The following SBF1 variants were observed in gnomAD, a reference collection of about 807,000 sequenced individuals.
SBF1 encodes myotubularin-related protein 5.
SBF1 carries 65 observed loss-of-function variants against 215.8 expected under a neutral mutation model. The observed-to-expected ratio is 0.30, with a 90% CI of 0.25 to 0.37. SBF1 has a LOEUF of 0.37. Among genes scored for constraint, SBF1 ranks in the 10% least tolerant of loss-of-function variants. The pLI is 1.00. For missense variants in SBF1, 2,634 were observed against 2,667.8 expected (o/e 0.99, Z 0.28); for synonymous variants, 1,410 against 1,122.8 (o/e 1.26, Z -5.11).
rs750573543 is a variant in SBF1, at chr22:50,456,290, G to A, written c.4192C>T (p.Pro1398Ser). ...CTGGGCTCAGCAGCGGGGCAGCCTG[G>A]GACACATGCTTTCAGCAGCTTCTTG... Reference protein sequence around the residue: ...SFKKLLKACVPGCPAAEPSPA... With the variant: ...SFKKLLKACVSGCPAAEPSPA... The change falls in exon 31 of 41, where the codon CCA becomes TCA. Residue 1398 changes from proline to serine, a missense_variant. By Grantham distance (74) the Pro-to-Ser change is moderately conservative. Coordinates refer to ENST00000380817, the MANE Select transcript of SBF1 (RefSeq NM_002972.4). 4.1e-5 allele frequency: 66 copies of A among 1,612,808 alleles called. No homozygotes were observed. Among genetic ancestry groups the A allele is most frequent in the Non-Finnish European group, 5.3e-5 (63 of 1,179,968 alleles).
intron 10 of SBF1, 54 bp from the exon 11 acceptor site, chr22:50,465,382 G>T: frequency 6.8e-7 from 1 of 1,473,986 alleles, no homozygotes; most frequent in South Asian, 1.2e-5. Flanking sequence ...CCCCACCCCA[G>T]GCTGCCCAGG....
In SBF1 at chr22:50,459,439, G is replaced by A. The variant is rs2281439; in HGVS notation, c.3688+31C>T. 285,449 of 1,611,392 alleles carry A rather than the reference G, an allele frequency of 0.18. 26,585 individuals are homozygous for A. Among genetic ancestry groups the A allele is most frequent in the East Asian group, 0.27 (12,152 of 44,834 alleles). On this transcript the variant is annotated intron_variant, in intron 27 of 40. Coordinates refer to ENST00000380817, the MANE Select transcript of SBF1 (RefSeq NM_002972.4). ...AGGGAGGGGAGGGTGAGATAGGGCA[G>A]GGCAGGCACAGGGCAGGACGCAGGA...
chr22:50,463,544 G>A, intron 15 of SBF1, 112 bp from the exon 16 acceptor site: 8 of 1,207,768 alleles, frequency 6.6e-6, no homozygotes, highest in Non-Finnish European at 7.9e-6. Context: ...CAGGTGGGGT[G>A]TGCCAGACTC....
chr22:50,474,814 C>T lies in SBF1; in HGVS notation c.27G>A (p.Val9=). ...GCGGGTGCGGCCCGAACGCCACCAGCACGAAGTAGTCCGCGAGCCGCGCCA... is the reference window on the plus strand; with the variant it reads ...GCGGGTGCGGCCCGAACGCCACCAGTACGAAGTAGTCCGCGAGCCGCGCCA... The part of the protein sequence containing the change: MARLADYF[V]LVAFGPHPRG... The change falls in exon 1 of 41, where the codon GTG becomes GTA. Residue 9 remains valine, a synonymous_variant. Coordinates refer to ENST00000380817, the MANE Select transcript of SBF1 (RefSeq NM_002972.4). The T allele has an allele frequency of 1.4e-6, 2 of 1,447,524 alleles. No individual in the cohort carries two copies. The highest frequency in any genetic ancestry group is 2.6e-5 in the South Asian group (2 of 76,662). 89.7% of individuals were successfully genotyped at this position (1,447,524 alleles called of 1,614,324 possible). A position where few individuals can be genotyped will look rare whatever the true frequency, so the allele number is the denominator to read the frequency against.
intron 2 of SBF1, 110 bp downstream of exon 2, chr22:50,468,266 C>T: frequency 1.9e-6 from 2 of 1,074,176 alleles, no homozygotes; most frequent in Non-Finnish European, 2.7e-6. Context: ...TGTCCCTAGC[C>T]CAGCGGGGGG....
rs747460539 is a variant in SBF1, at chr22:50,456,199, C to T, written c.4266+17G>A. 9.9e-6 allele frequency: 16 copies of T among 1,609,150 alleles called. No individual in the cohort carries two copies. Among genetic ancestry groups the T allele is most frequent in the Admixed American group, 6.7e-5 (4 of 59,898 alleles). On this transcript the variant is annotated intron_variant, in intron 31 of 40. Transcript: ENST00000380817. ...CCCAGCACCAAGGCGGGCAGAGGGA[C>T]GGGGCAGTGCAGAGACCTGGATCAG...
rs1322850669 is a variant in SBF1 at position 50,453,648 on chromosome 22, G to A, written c.5043+864C>T. Among the ~76,000 whole-genome samples the A allele has an allele frequency of 7.2e-5, 11 of 152,308 alleles. 1 individual carries two copies. Among genetic ancestry groups the A allele is most frequent in the Admixed American group, 3.3e-4 (5 of 15,296 alleles). ...TAAAAATACAAAAAATTAGCTGGGCGTGGTGGTGGGCACCTGTAGTCCCAG... is the reference window on the plus strand; with the variant it reads ...TAAAAATACAAAAAATTAGCTGGGCATGGTGGTGGGCACCTGTAGTCCCAG... On this transcript the variant is annotated intron_variant, in intron 36 of 40. Transcript: ENST00000380817.
At chr22:50,467,492 C>A in intron 4 of SBF1, 40 bp downstream of exon 4, 1 of 1,613,768 alleles carries the variant, frequency 6.2e-7, no homozygotes, top group South Asian at 1.1e-5. Context: ...CCGATGGAAG[C>A]ACCCTCGTCG....
At chr22:50,463,545 T>C in intron 15 of SBF1, 113 bp from the exon 16 acceptor site, 1 of 1,192,664 alleles carries the variant, frequency 8.4e-7, no homozygotes, top group Admixed American at 2.9e-5. Flanking sequence ...AGGTGGGGTG[T>C]GCCAGACTCT....
chr22:50,467,495 C>G, intron 4 of SBF1, 37 bp downstream of exon 4: 1 of 1,613,708 alleles, frequency 6.2e-7, no homozygotes. Flanking sequence ...ATGGAAGCAC[C>G]CTCGTCGTGC....
Position 50,448,564 on chromosome 22 carries a change from G to C in SBF1, c.5130C>G (p.Leu1710=), listed in dbSNP as rs530167049. The stretch of plus-strand genomic sequence containing the variant: ...TCACACGGCCGTCTGGCCGGCCCTC[G>C]AGGCGCTGTGCAGCCTTCACCCGGT... ...TWDRVKAAQR[L]EGRPDGRGTP... The change falls in exon 37 of 41, where the codon CTC becomes CTG. Residue 1710 remains leucine (L), a synonymous_variant. Coordinates refer to ENST00000380817, the MANE Select transcript of SBF1 (RefSeq NM_002972.4). 13 of 1,611,974 alleles carry C rather than the reference G, an allele frequency of 8.1e-6. No homozygotes were observed. In the South Asian group the frequency reaches 1.2e-4, roughly 15 times the overall value.
At position 50,466,663 on chromosome 22, in the gene SBF1, T is replaced by C. The variant is rs373887418; in HGVS notation, c.597A>G (p.Pro199=). 1.7e-4 allele frequency: 257 copies of C among 1,550,018 alleles called. 1 individual carries two copies. The highest frequency in any genetic ancestry group is 1.7e-4 in the Non-Finnish European group (196 of 1,146,552). Residue 199 remains proline, a synonymous_variant, in exon 6 of 41, where the codon CCA becomes CCG. Transcript: ENST00000380817. The part of the protein sequence containing the change: ...GAGDRQVIQT[P]LADSLPVSRC... ...GGCTGACGGGCAGCGAGTCGGCCAG[T>C]GGAGTCTGGATGACCTGCCGGTCAC...
chr22:50,466,391 G>C lies in SBF1; in HGVS notation c.747C>G (p.Ala249=). Residue 249 remains alanine (A), a synonymous_variant, in exon 7 of 41, where the codon GCC becomes GCG. Coordinates refer to ENST00000380817, the MANE Select transcript of SBF1 (RefSeq NM_002972.4). ...LSRSYQRLAD[A]CRGLLALLFP... is the part of the protein sequence containing the mutation. The stretch of plus-strand genomic sequence containing the variant: ...ACAGCAGTGCCAGGAGGCCCCTACA[G>C]GCATCGGCGAGCCGCTGGTAGCTCC... 6.4e-7 allele frequency: 1 copy of C among 1,554,544 alleles called. No homozygotes were observed. Among genetic ancestry groups the C allele is most frequent in the Non-Finnish European group, 8.7e-7 (1 of 1,149,174 alleles).
At position 50,455,501 on chromosome 22, in the gene SBF1, C is replaced by T. The variant is rs369972811; in HGVS notation, c.4348G>A (p.Gly1450Ser). The T allele has an allele frequency of 6.2e-7, 1 of 1,608,234 alleles. No homozygotes were observed. The highest frequency in any genetic ancestry group is 8.5e-7 in the Non-Finnish European group (1 of 1,177,748). ...GSSVLVGLED[G>S]WDITTQVVSL... ...CACACCTGGGTGGTGATGTCCCAGC[C>T]ATCCTCCAGGCCCACCAGCACGGAG... The change falls in exon 32 of 41, where the codon GGC becomes AGC. Residue 1450 changes from glycine (G) to serine (S), a missense_variant. Transcript: ENST00000380817.
intron 2 of SBF1, 37 bp downstream of exon 2, chr22:50,468,339 C>T (rs1204707931): frequency 1.3e-6 from 2 of 1,595,080 alleles, no homozygotes; most frequent in Non-Finnish European, 1.7e-6. Flanking sequence ...CTGCCCTCCC[C>T]ACCTGCCAGC....
Position 50,462,337 on chromosome 22 carries a change from C to G in SBF1, c.2264G>C (p.Ser755Thr). Residue 755 changes from serine to threonine, a missense_variant, in exon 19 of 41, where the codon AGC becomes ACC. Ser to Thr is a moderately conservative substitution (Grantham distance 58, BLOSUM62 1). Transcript: ENST00000380817. ...LVQKEESTVF[S>T]QAIHYANRMS... The stretch of plus-strand genomic sequence containing the variant: ...GCGGTTGGCATAGTGGATGGCCTGG[C>G]TGAACACCGTGCTCTCCTCCTTCTG... The G allele has an allele frequency of 6.2e-7, 1 of 1,614,116 alleles. No homozygotes were observed. The highest frequency in any genetic ancestry group is 8.5e-7 in the Non-Finnish European group (1 of 1,180,030).
At chr22:50,460,841 T>C (rs1183554233) in intron 23 of SBF1, 129 bp from the exon 24 acceptor site, 2 of 1,056,002 alleles carry the variant, frequency 1.9e-6, no homozygotes, top group Non-Finnish European at 2.8e-6. Context: ...GGCAAAGGCC[T>C]GTATCTGTGT....
Position 50,464,856 on chromosome 22 carries a change from C to T in SBF1, c.1394G>A (p.Arg465His), listed in dbSNP as rs199833729. The change falls in exon 13 of 41, where the codon CGT (arginine) becomes CAT (histidine). Residue 465 changes from arginine (R) to histidine (H), a missense_variant. Coordinates refer to ENST00000380817, the MANE Select transcript of SBF1 (RefSeq NM_002972.4). ...CTGCTCTGCCAGTTCCTGGACGTGA[C>T]GCAGGACACGCTGGGGGTGGTTCTC... is the stretch of plus-strand genomic sequence containing the variant. ...ADENHPQRVLRHVQELAEQLY... is the reference protein window; with the variant it reads ...ADENHPQRVLHHVQELAEQLY... 34 of 1,613,496 alleles carry T rather than the reference C, an allele frequency of 2.1e-5. No individual in the cohort carries two copies. The highest frequency in any genetic ancestry group is 2.7e-5 in the African/African-American group (2 of 74,916).
At chr22:50,456,453 G>A (rs1445999040) in intron 30 of SBF1, 39 bp downstream of exon 30, 3 of 1,520,058 alleles carry the variant, frequency 2.0e-6, no homozygotes, top group Non-Finnish European at 2.7e-6. Context: ...CCCCTGCCGA[G>A]CCCCCACCCT....
Sources: gnomAD v4.1 joint callset for allele counts (sites outside exome capture counted in the v4.1 genomes callset) on GRCh38, gnomAD v4.1.1 for gene constraint, MANE v1.5 for transcripts, NCBI Gene and HGNC (gene_info 2026-07-23, HGNC 2026-07-21) for gene names.